SEMA5A: variants seen among roughly 807,000 people sequenced by gnomAD.
SEMA5A encodes the protein semaphorin-5A.
In SEMA5A, 55 loss-of-function variants were observed where a neutral mutation model predicts 135.5. The observed-to-expected ratio is 0.41, with a 90% CI of 0.33 to 0.51. The LOEUF is 0.51. SEMA5A is among the 20% of genes least tolerant of loss of function. The probability of loss-of-function intolerance (pLI) is 0.37; values close to 1 mark genes in which losing one functional copy is unlikely to be tolerated. For missense variants in SEMA5A, 1,290 were observed against 1,419.9 expected, an observed-to-expected ratio of 0.91 and a Z score of 1.47; for synonymous variants, 580 against 546.5, an observed-to-expected ratio of 1.06 and a Z score of -0.85.
At position 9,197,515 on chromosome 5, in the gene SEMA5A, A is replaced by G. The variant is rs1361910950; in HGVS notation, c.933-212T>C. Among the ~76,000 whole-genome samples, 4 of 152,238 alleles carry G rather than the reference A, an allele frequency of 2.6e-5. No individual in the cohort carries two copies. The East Asian group carries it at 7.7e-4, about 29-fold the overall frequency. Reference sequence around the variant, plus strand: ...TGGTACAGAAACCAGGCTAGTTAGCATTTAACACCTTGTAATCCTGTCAGC... The same window carrying G: ...TGGTACAGAAACCAGGCTAGTTAGCGTTTAACACCTTGTAATCCTGTCAGC... On this transcript the variant is annotated intron_variant, in intron 9 of 22. Coordinates refer to ENST00000382496, the MANE Select transcript of SEMA5A (RefSeq NM_003966.3).
intron 14 of SEMA5A, 101 bp from the exon 15 acceptor site, chr5:9,119,242 C>G: frequency 7.1e-7 from 1 of 1,409,352 alleles, no homozygotes; most frequent in African/African-American, 1.4e-5. Flanking sequence ...AGGAGGATCA[C>G]GCTTGGGGCT....
At chr5:9,081,358 C>T (rs1738373988) in intron 16 of SEMA5A, among the ~76,000 whole-genome samples, 1 of 152,064 alleles carries the variant, frequency 6.6e-6, no homozygotes, top group African/African-American at 2.4e-5. Flanking sequence ...TATTAAACAA[C>T]TGAATTTGTG....
intron 11 of SEMA5A, among the ~76,000 whole-genome samples, chr5:9,177,111 T>A (rs2150318316): frequency 6.6e-6 from 1 of 152,302 alleles, no homozygotes; most frequent in South Asian, 2.1e-4. Flanking sequence ...ATTAATCCCA[T>A]AAACAGACTC....
At chr5:9,320,535 C>A (rs1257321820) in intron 4 of SEMA5A, among the ~76,000 whole-genome samples, 1 of 152,064 alleles carries the variant, frequency 6.6e-6, no homozygotes, top group Admixed American at 6.6e-5. Context: ...CATAGGGAGA[C>A]CCTATCTCTA....
chr5:9,109,876 C>T (rs765064241), intron 15 of SEMA5A, among the ~76,000 whole-genome samples: 3 of 152,086 alleles, frequency 2.0e-5, no homozygotes, highest in Non-Finnish European at 4.4e-5. Context: ...CAAATGGTAG[C>T]CAGCCACCAG....
Position 9,062,870 on chromosome 5 carries a change from C to T in SEMA5A, c.2518+17G>A, listed in dbSNP as rs1310013394. The T allele has an allele frequency of 6.2e-7, 1 of 1,613,748 alleles. No homozygotes were observed. Among genetic ancestry groups the T allele is most frequent in the Non-Finnish European group, 8.5e-7 (1 of 1,179,706 alleles). The stretch of plus-strand genomic sequence containing the variant: ...CTTGAGTTTTCAGATGTTTTGTAGA[C>T]TACACAATCCACTTACCTGGGCAGG... On this transcript the variant is annotated intron_variant, in intron 18 of 22. Transcript: ENST00000382496.
At chr5:9,240,594 A>T (rs1748139501) in intron 5 of SEMA5A, among the ~76,000 whole-genome samples, 1 of 151,910 alleles carries the variant, frequency 6.6e-6, no homozygotes, top group South Asian at 2.1e-4. Context: ...AAATAAGAGT[A>T]TCAATGTACC....
chr5:9,171,849 C>T (rs141253700), intron 11 of SEMA5A, among the ~76,000 whole-genome samples: 22 of 152,186 alleles, frequency 1.4e-4, no homozygotes, highest in Admixed American at 9.8e-4. Context: ...CGAGAGGGAG[C>T]GGGCACCAAC....
chr5:9,226,104 C>T (rs1438790428), intron 7 of SEMA5A, among the ~76,000 whole-genome samples: 1 of 152,142 alleles, frequency 6.6e-6, no homozygotes, highest in African/African-American at 2.4e-5. Flanking sequence ...GTTTCACACC[C>T]CTTATCATCC....
intron 16 of SEMA5A, among the ~76,000 whole-genome samples, chr5:9,099,932 A>G (rs372013191): frequency 6.6e-6 from 1 of 152,218 alleles, no homozygotes; most frequent in East Asian, 1.9e-4. Flanking sequence ...GCAGAGAAAG[A>G]AAGGGCCTTC....
chr5:9,119,590 G>T (rs1479649), intron 14 of SEMA5A, among the ~76,000 whole-genome samples: 20,653 of 151,954 alleles, frequency 0.14, 2,155 homozygotes, highest in East Asian at 0.32. Context: ...TAAAACTGCC[G>T]AAAATGCTAT....
intron 2 of SEMA5A, among the ~76,000 whole-genome samples, chr5:9,420,641 A>G (rs1757432637): frequency 6.6e-6 from 1 of 152,124 alleles, no homozygotes; most frequent in South Asian, 2.1e-4. Context: ...GAGTATTTTG[A>G]GCCCTTTAGA....
intron 1 of SEMA5A, among the ~76,000 whole-genome samples, chr5:9,541,340 G>A (rs1236871896): frequency 6.6e-6 from 1 of 152,082 alleles, no homozygotes; most frequent in African/African-American, 2.4e-5. Context: ...TTTTTCCAGT[G>A]TATACTTCCT....
chr5:9,145,376 T>A (rs934534390), intron 12 of SEMA5A, among the ~76,000 whole-genome samples: 18 of 152,142 alleles, frequency 1.2e-4, no homozygotes, highest in Non-Finnish European at 5.9e-5. Context: ...TCCAGAACCA[T>A]CTGAATGCAA....
In SEMA5A at chr5:9,545,764, G is replaced by C. The variant is rs1403256289; in HGVS notation, c.-355C>G. On this transcript the variant is annotated 5_prime_UTR_variant, in exon 1 of 23. Coordinates refer to ENST00000382496, the MANE Select transcript of SEMA5A (RefSeq NM_003966.3). The surrounding 1 kb of genome is among the most constrained non-coding windows in gnomAD (Gnocchi z 4.5). ...ATGGGGGCACCGGCTTGGGGGCCAC[G>C]AGCACGGTCCCCGAGCGCGCGGCCA... 6.6e-6 allele frequency: 1 copy of C among 152,296 alleles called. No homozygotes were observed. The highest frequency in any genetic ancestry group is 2.1e-4 in the South Asian group (1 of 4,838). The allele number at this position is 152,296 out of a possible 1,614,324, so 9.4% of individuals were successfully genotyped here.
intron 2 of SEMA5A, among the ~76,000 whole-genome samples, chr5:9,390,328 C>A (rs1756105746): frequency 6.6e-6 from 1 of 152,126 alleles, no homozygotes; most frequent in Non-Finnish European, 1.5e-5. Context: ...ATGTATGAAC[C>A]CTGAGGGGGT....
chr5:9,240,203 G>A (rs1203202558), intron 5 of SEMA5A, among the ~76,000 whole-genome samples: 1 of 151,624 alleles, frequency 6.6e-6, no homozygotes, highest in Non-Finnish European at 1.5e-5. Flanking sequence ...TGATTAGAAA[G>A]AAAAAAAATT....
At chr5:9,466,207 CGGGGACTGTTGT>C (rs1034318307) in intron 1 of SEMA5A, among the ~76,000 whole-genome samples, 9 of 150,046 alleles carry the variant, frequency 6.0e-5, no homozygotes, top group Non-Finnish European at 1.3e-4. Context: ...CCAGGCACAC[CGGGGACTGTTGT>C]GGGGTGAGGG....
chr5:9,539,850 C>T (rs552202458), intron 1 of SEMA5A, among the ~76,000 whole-genome samples: 6 of 152,282 alleles, frequency 3.9e-5, no homozygotes, highest in Admixed American at 1.3e-4. Context: ...CAAGCACTGA[C>T]TTACTGTGCA....
Sources: gnomAD v4.1 joint callset for allele counts (sites outside exome capture counted in the v4.1 genomes callset) on GRCh38, gnomAD v4.1.1 for gene constraint, Gnocchi (gnomAD v3.1) non-coding constraint, MANE v1.5 for transcripts, NCBI Gene and HGNC (gene_info 2026-07-23, HGNC 2026-07-21) for gene names.